Variants in CSRP2 observed in about 807,000 individuals in gnomAD.
CSRP2 encodes the protein cysteine and glycine rich protein 2.
In CSRP2, 18 loss-of-function variants were observed where a neutral mutation model predicts 24.6. That is an observed-to-expected ratio of 0.73 (90% CI 0.51 to 1.09). The LOEUF is 1.09. Among genes scored for constraint, CSRP2 ranks in the 50% least tolerant of loss-of-function variants. The pLI is 0.00. For synonymous variants in CSRP2, 87 were observed against 84.3 expected (o/e 1.03, Z -0.18); for missense variants, 215 against 239.4 (o/e 0.90, Z 0.67).
rs562454101 is a variant in CSRP2, at chr12:76,865,411, G to C, written c.112+738C>G. Reference sequence around the variant, plus strand: ...TTGTAACTGCAACTTTCTGTTGTCTGCTTCTGGTTGTCTGCAAAGCAGTTT... The same window carrying C: ...TTGTAACTGCAACTTTCTGTTGTCTCCTTCTGGTTGTCTGCAAAGCAGTTT... On this transcript the variant is annotated intron_variant, in intron 2 of 5. Transcript: ENST00000311083. Among the ~76,000 whole-genome samples the C allele has an allele frequency of 4.6e-5, 7 of 152,316 alleles. No homozygotes were observed. In the East Asian group the frequency reaches 1.4e-3, roughly 29 times the overall value.
chr12:76,862,876 T>A (rs1953697338), intron 3 of CSRP2: 1 of 1,531,066 alleles, frequency 6.5e-7, no homozygotes, highest in African/African-American at 1.4e-5. Flanking sequence ...TTTCATGACA[T>A]CCGGTCTCCA....
At position 76,860,150 on chromosome 12, in the gene CSRP2, A is replaced by G. The variant is rs755733349; in HGVS notation, c.411+134T>C. On this transcript the variant is annotated intron_variant, in intron 4 of 5. Transcript: ENST00000311083. ...AAAAAAGTTAATGATTCTGATGGAAATGCATTTAAAGAAAAGTTTCATATA... is the reference window on the plus strand; with the variant it reads ...AAAAAAGTTAATGATTCTGATGGAAGTGCATTTAAAGAAAAGTTTCATATA... The G allele has an allele frequency of 3.3e-6, 3 of 896,778 alleles. No individual in the cohort carries two copies. In the African/African-American group the frequency reaches 5.0e-5, roughly 15 times the overall value. The allele number at this position is 896,778 out of a possible 1,614,324, so 55.6% of individuals were successfully genotyped here.
chr12:76,865,332 G>A (rs1463131991), intron 2 of CSRP2, among the ~76,000 whole-genome samples: 1 of 152,172 alleles, frequency 6.6e-6, no homozygotes, highest in East Asian at 1.9e-4. Context: ...GTTAAACCAA[G>A]TCTTCTGAGG....
At chr12:76,860,569 G>T in intron 3 of CSRP2, 156 bp from the exon 4 acceptor site, 2 of 768,480 alleles carry the variant, frequency 2.6e-6, no homozygotes, top group Non-Finnish European at 4.0e-6. Context: ...TAAAGAAGAA[G>T]TGACTCAGGT....
chr12:76,865,693 A>C, intron 2 of CSRP2: 1 of 153,710 alleles, frequency 6.5e-6, no homozygotes, highest in Non-Finnish European at 1.4e-5. Context: ...TGATTAATGA[A>C]GTGCTTTAAG....
chr12:76,869,227 G>A (rs939244209), intron 1 of CSRP2, among the ~76,000 whole-genome samples: 9 of 152,030 alleles, frequency 5.9e-5, no homozygotes, highest in African/African-American at 1.7e-4. Context: ...GGGTGAACCC[G>A]CTCCCACCAG....
At chr12:76,866,472 A>AT (rs34861040) in intron 1 of CSRP2, among the ~76,000 whole-genome samples, 13 of 150,012 alleles carry the variant, frequency 8.7e-5, no homozygotes, top group South Asian at 4.2e-4. Context: ...CGTGCACAAG[A>AT]TTTTTTTTTT....
rs542213622 is a variant in CSRP2 at position 76,862,393 on chromosome 12, T to C, written c.281+783A>G. ...CCGCCTCTACCAAAAATACAAAAAT[T>C]AGCCCGGTGTGGTGGTGCACGCCTG... is the stretch of plus-strand genomic sequence containing the variant. On this transcript the variant is annotated intron_variant, in intron 3 of 5. Transcript: ENST00000311083. The C allele has an allele frequency of 5.4e-4, 83 of 153,342 alleles. No homozygotes were observed. In the South Asian group the frequency reaches 6.8e-3, roughly 12 times the overall value. The allele number at this position is 153,342 out of a possible 1,614,324, so 9.5% of individuals were successfully genotyped here. A position where few individuals can be genotyped will look rare whatever the true frequency, so the allele number is the denominator to read the frequency against.
chr12:76,867,059 G>A (rs1953742884), intron 1 of CSRP2, among the ~76,000 whole-genome samples: 1 of 152,132 alleles, frequency 6.6e-6, no homozygotes, highest in Non-Finnish European at 1.5e-5. Flanking sequence ...GAGCATGCAG[G>A]AATAGCCTCT....
intron 2 of CSRP2, chr12:76,865,945 A>C (rs73129307): frequency 0.031 from 17,647 of 576,034 alleles, 374 homozygotes; most frequent in Middle Eastern, 0.08. Context: ...CTATGGGGAC[A>C]CAAAGGGAGG....
intron 1 of CSRP2, among the ~76,000 whole-genome samples, chr12:76,877,959 GCCCCACCCCCCCA>G (rs1953867751): frequency 1.0e-5 from 1 of 95,410 alleles, no homozygotes; most frequent in Non-Finnish European, 2.2e-5. Context: ...AACTGCCCCC[GCCCCACCCCCCCA>G]CCCCCCAAAA....
At chr12:76,874,079 T>A (rs1443375668) in intron 1 of CSRP2, among the ~76,000 whole-genome samples, 1 of 152,154 alleles carries the variant, frequency 6.6e-6, no homozygotes, top group Non-Finnish European at 1.5e-5. Flanking sequence ...AATAGCAATA[T>A]AATAAATGAC....
chr12:76,866,797 T>C (rs1466691292), intron 1 of CSRP2, among the ~76,000 whole-genome samples: 1 of 152,202 alleles, frequency 6.6e-6, no homozygotes, highest in Admixed American at 6.5e-5. Context: ...AGAACAAGTT[T>C]TATATTTGTT....
At chr12:76,863,079 T>C in intron 3 of CSRP2, 97 bp downstream of exon 3, 15 of 1,493,930 alleles carry the variant, frequency 1.0e-5, no homozygotes, top group Non-Finnish European at 1.2e-5. Context: ...TTGCTTAGTT[T>C]CAACTAAAAA....
chr12:76,859,509 ATATT>A (rs996630340), intron 5 of CSRP2, 34 bp downstream of exon 5: 21 of 1,363,806 alleles, frequency 1.5e-5, no homozygotes, highest in Non-Finnish European at 2.0e-5. Flanking sequence ...CCAGTGTGGA[ATATT>A]CATATGGACA....
intron 1 of CSRP2, among the ~76,000 whole-genome samples, chr12:76,877,920 A>G (rs2137841946): frequency 6.6e-6 from 1 of 152,068 alleles, no homozygotes; most frequent in South Asian, 2.1e-4. Flanking sequence ...AAATACGACG[A>G]TTTTCGCTGC....
intron 1 of CSRP2, among the ~76,000 whole-genome samples, chr12:76,876,235 A>C (rs1953850281): frequency 6.6e-6 from 1 of 152,254 alleles, no homozygotes; most frequent in South Asian, 2.1e-4. Context: ...AGTCGAAGAC[A>C]ATAGTATTGT....
At chr12:76,877,757 A>G (rs1953865539) in intron 1 of CSRP2, among the ~76,000 whole-genome samples, 1 of 152,214 alleles carries the variant, frequency 6.6e-6, no homozygotes, top group Non-Finnish European at 1.5e-5. Flanking sequence ...CAGTTCTGAA[A>G]CTATGTTAGA....
chr12:76,859,076 T>G, intron 5 of CSRP2, 48 bp from the exon 6 acceptor site: 2 of 1,495,028 alleles, frequency 1.3e-6, no homozygotes, highest in Non-Finnish European at 1.9e-6. Flanking sequence ...CCATTAAGCT[T>G]TGCTAGCACT....
Sources: allele counts gnomAD v4.1 joint callset (sites outside exome capture counted in the v4.1 genomes callset), GRCh38; gene constraint gnomAD v4.1.1; transcripts MANE v1.5; gene names NCBI Gene and HGNC (gene_info 2026-07-23, HGNC 2026-07-21).